DCUN1D4: variants seen among roughly 807,000 people sequenced by gnomAD.
DCUN1D4 encodes the protein DCN1-like protein 4.
In DCUN1D4, 22 loss-of-function variants were observed where a neutral mutation model predicts 47.9. The ratio of observed to expected loss-of-function variants is 0.46; its 90% CI spans 0.33 to 0.66. The LOEUF (loss-of-function observed/expected upper bound fraction) is 0.66. Among genes scored for constraint, DCUN1D4 ranks in the 30% least tolerant of loss-of-function variants. The pLI is 0.02. For synonymous variants in DCUN1D4, 121 were observed against 112.2 expected (o/e 1.08, Z -0.50); for missense variants, 301 against 340.8 (o/e 0.88, Z 0.92).
rs767307016 is a variant in DCUN1D4 at position 51,877,858 on chromosome 4, G to A, written c.343+4G>A. ...GAATGGTTCTATGAATATGCAGGTA[G>A]GTATTCATTTGTATCATCTAAGACT... On this transcript the variant is annotated splice_donor_region_variant and intron_variant, in intron 5 of 10. Transcript: ENST00000334635. 52 of 1,583,826 alleles carry A rather than the reference G, an allele frequency of 3.3e-5. No individual in the cohort carries two copies. Among genetic ancestry groups the A allele is most frequent in the Non-Finnish European group, 4.4e-5 (51 of 1,155,612 alleles).
intron 8 of DCUN1D4, chr4:51,908,902 C>A (rs1366768693): frequency 1.1e-5 from 5 of 456,058 alleles, no homozygotes; most frequent in Non-Finnish European, 1.8e-5. Flanking sequence ...TCCATAATAT[C>A]TTTCTCTTAT....
intron 1 of DCUN1D4, 162 bp downstream of exon 1, chr4:51,843,429 G>A: frequency 8.0e-7 from 1 of 1,257,672 alleles, no homozygotes; most frequent in Non-Finnish European, 1.0e-6. Flanking sequence ...GGGCGGTGAC[G>A]CTGCGGGCGG....
intron 6 of DCUN1D4, 157 bp downstream of exon 6, chr4:51,886,795 G>A (rs1729543688): frequency 1.6e-6 from 1 of 623,128 alleles, no homozygotes; most frequent in East Asian, 2.9e-5. Context: ...TGACTTATAA[G>A]CAGATTCTCC....
chr4:51,905,683 C>G (rs1490413700), intron 8 of DCUN1D4, among the ~76,000 whole-genome samples: 1 of 152,016 alleles, frequency 6.6e-6, no homozygotes, highest in Admixed American at 6.6e-5. Context: ...GATGTTTTAC[C>G]TTCTCTGTGG....
At chr4:51,869,608 A>T (rs1357042775) in intron 3 of DCUN1D4, among the ~76,000 whole-genome samples, 1 of 151,806 alleles carries the variant, frequency 6.6e-6, no homozygotes, top group Non-Finnish European at 1.5e-5. Flanking sequence ...AGAAAGATTA[A>T]AAAAAAAGGA....
chr4:51,878,541 C>T (rs954932121), intron 5 of DCUN1D4, among the ~76,000 whole-genome samples: 57 of 152,294 alleles, frequency 3.7e-4, no homozygotes, highest in African/African-American at 1.4e-3. Flanking sequence ...TCCAGACAAC[C>T]TGCCATGTGC....
In DCUN1D4 at chr4:51,843,672, G is replaced by A; in HGVS notation, c.25+405G>A. On this transcript the variant is annotated intron_variant, in intron 1 of 10. Transcript: ENST00000334635. ...CGGCGGGGAGAGGGAGGGAGCGAGC[G>A]AGCGAGCGGGGCACAAGGGTGAGGA... 3.2e-6 allele frequency: 4 copies of A among 1,247,986 alleles called. No individual in the cohort carries two copies. In the East Asian group the frequency reaches 9.5e-5, roughly 30 times the overall value. The allele number at this position is 1,247,986 out of a possible 1,614,324, so 77.3% of individuals were successfully genotyped here.
At chr4:51,908,792 T>TTA in intron 8 of DCUN1D4, 2 of 419,448 alleles carry the variant, frequency 4.8e-6, no homozygotes, top group South Asian at 3.4e-5. Context: ...TCCCGGGAAT[T>TTA]TTTAGTGTTT....
At chr4:51,843,376 G>T (rs1364847307) in intron 1 of DCUN1D4, 109 bp downstream of exon 1, 3 of 1,376,834 alleles carry the variant, frequency 2.2e-6, no homozygotes, top group Non-Finnish European at 1.9e-6. Flanking sequence ...CGCGCCGGGA[G>T]CCCCTGCCTG....
chr4:51,849,842 T>C (rs1560450713), intron 1 of DCUN1D4, among the ~76,000 whole-genome samples: 3 of 151,282 alleles, frequency 2.0e-5, no homozygotes, highest in East Asian at 1.9e-4. Flanking sequence ...TATGTGTGTG[T>C]GTGCGTGCGT....
chr4:51,848,157 A>AC, intron 1 of DCUN1D4: 1 of 1,271,798 alleles, frequency 7.9e-7, no homozygotes, highest in South Asian at 1.3e-5. Flanking sequence ...CATTTTTTAG[A>AC]CAAAGTCAGT....
chr4:51,844,980 G>A, intron 1 of DCUN1D4: 4 of 985,438 alleles, frequency 4.1e-6, no homozygotes, highest in Non-Finnish European at 4.8e-6. Context: ...CTTCTCCCTT[G>A]GGAGAGGGAG....
chr4:51,873,649 ATT>A (rs1344167916), intron 3 of DCUN1D4, among the ~76,000 whole-genome samples: 1 of 152,256 alleles, frequency 6.6e-6, no homozygotes, highest in Non-Finnish European at 1.5e-5. Context: ...CTGTTATTAC[ATT>A]TTGGTATCAG....
chr4:51,892,719 A>G (rs967354557), intron 7 of DCUN1D4, among the ~76,000 whole-genome samples: 2 of 152,212 alleles, frequency 1.3e-5, no homozygotes, highest in Non-Finnish European at 2.9e-5. Context: ...CATTCAAGAA[A>G]ACAAATTGTC....
At position 51,913,568 on chromosome 4, in the gene DCUN1D4, A is replaced by G; in HGVS notation, c.863A>G (p.Asp288Gly). The G allele has an allele frequency of 6.2e-7, 1 of 1,612,938 alleles. No homozygotes were observed. The highest frequency in any genetic ancestry group is 8.5e-7 in the Non-Finnish European group (1 of 1,179,272). ...GACGAGTTTGTGGAGTGGTATAAAG[A>G]CAAACAGATGTCCTAGGACTTTATG... The part of the protein sequence containing the change: ...LLDEFVEWYK[D>G]KQMS Residue 288 changes from aspartate to glycine, a missense_variant, in exon 11 of 11, where the codon GAC becomes GGC. Asp to Gly is a moderately conservative substitution (Grantham distance 94, BLOSUM62 -1). Coordinates refer to ENST00000334635, the MANE Select transcript of DCUN1D4 (RefSeq NM_001040402.3).
chr4:51,869,137 A>AAAC (rs1726449947), intron 3 of DCUN1D4, among the ~76,000 whole-genome samples: 5 of 147,858 alleles, frequency 3.4e-5, no homozygotes, highest in Admixed American at 3.3e-4. Context: ...AAAAAAAAAA[A>AAAC]AAAAAAAAGT....
chr4:51,867,568 G>T (rs1726159468), intron 3 of DCUN1D4, among the ~76,000 whole-genome samples: 2 of 152,198 alleles, frequency 1.3e-5, no homozygotes, highest in African/African-American at 2.4e-5. Context: ...CCCGACATCT[G>T]TGCAGCCCTC....
intron 6 of DCUN1D4, among the ~76,000 whole-genome samples, chr4:51,890,733 G>A (rs1457195286): frequency 6.6e-6 from 1 of 152,190 alleles, no homozygotes; most frequent in Non-Finnish European, 1.5e-5. Flanking sequence ...AATCAGGCAT[G>A]GCCTCAACCC....
the DCUN1D4 span, among the ~76,000 whole-genome samples, chr4:51,837,016 C>T: frequency 6.6e-6 from 1 of 152,194 alleles, no homozygotes; most frequent in Non-Finnish European, 1.5e-5. Flanking sequence ...TGTCCAGCCC[C>T]TGCTAGCTGG....
Sources: allele counts gnomAD v4.1 joint callset (sites outside exome capture counted in the v4.1 genomes callset), GRCh38; gene constraint gnomAD v4.1.1; transcripts MANE v1.5; gene names NCBI Gene and HGNC (gene_info 2026-07-23, HGNC 2026-07-21).